The following LPGAT1 variants were observed in gnomAD, a reference collection of about 807,000 sequenced individuals.
The protein encoded by LPGAT1 is lysophosphatidylglycerol acyltransferase 1, also known as acyl-CoA:lysophosphatidylglycerol acyltransferase 1.
A neutral mutation model predicts 47.5 loss-of-function variants in LPGAT1; 11 were observed. The ratio of observed to expected loss-of-function variants is 0.23; its 90% CI spans 0.15 to 0.38. LPGAT1 has a LOEUF of 0.38. Among genes scored for constraint, LPGAT1 ranks in the 10% least tolerant of loss-of-function variants. The pLI, the probability that LPGAT1 is intolerant of heterozygous loss-of-function variation, is 1.00. For synonymous variants in LPGAT1, 138 were observed against 144.2 expected, an observed-to-expected ratio of 0.96 and a Z score of 0.31; for missense variants, 293 against 439.0, an observed-to-expected ratio of 0.67 and a Z score of 2.97.
rs543516286 is a variant in LPGAT1, at chr1:211,794,935, T to C, written c.239-1745A>G. On this transcript the variant is annotated intron_variant, in intron 2 of 7. Transcript: ENST00000366997. The stretch of plus-strand genomic sequence containing the variant: ...ATACTCATTTATGTGCAAAATGACA[T>C]GTACACAAGGCTACTCACTGCAGCT... 2.6e-5 allele frequency among the ~76,000 whole-genome samples: 4 copies of C among 152,266 alleles called. No individual in the cohort carries two copies. The East Asian group carries it at 5.8e-4, about 22-fold the overall frequency.
At chr1:211,781,422 C>T (rs553980489) in intron 5 of LPGAT1, among the ~76,000 whole-genome samples, 39 of 152,330 alleles carry the variant, frequency 2.6e-4, no homozygotes, top group African/African-American at 8.7e-4. Context: ...TGCCTTCAAG[C>T]TTTGGCTCGG....
intron 2 of LPGAT1, among the ~76,000 whole-genome samples, chr1:211,796,222 C>T (rs1309972116): frequency 6.6e-6 from 1 of 152,066 alleles, no homozygotes; most frequent in African/African-American, 2.4e-5. Flanking sequence ...GAATTTGGAA[C>T]CCTCTGTACT....
In LPGAT1 at chr1:211,790,112, C is replaced by T. The variant is rs1314664627; in HGVS notation, c.358-2385G>A. 2.6e-5 allele frequency among the ~76,000 whole-genome samples: 4 copies of T among 152,134 alleles called. No homozygotes were observed. In the East Asian group the frequency reaches 7.7e-4, roughly 29 times the overall value. On this transcript the variant is annotated intron_variant, in intron 3 of 7. Coordinates refer to ENST00000366997, the MANE Select transcript of LPGAT1 (RefSeq NM_014873.3). ...CATCGTCTAGAGACTTAAATGACTG[C>T]ACTCTTTCTGTCCTTTTGAAATTAT... is the stretch of plus-strand genomic sequence containing the variant.
chr1:211,750,092 G>A (rs746247134), intron 7 of LPGAT1, 42 bp from the exon 8 acceptor site: 1 of 1,560,562 alleles, frequency 6.4e-7, no homozygotes, highest in Non-Finnish European at 8.8e-7. Flanking sequence ...TTACTGTAAT[G>A]GTAGGTCTCC....
intron 2 of LPGAT1, among the ~76,000 whole-genome samples, chr1:211,820,006 G>C (rs976009014): frequency 6.6e-6 from 1 of 151,984 alleles, no homozygotes; most frequent in Admixed American, 6.6e-5. Flanking sequence ...GGCAGGCAGG[G>C]GGGTGGTTTA....
chr1:211,769,039 G>A (rs1658055416), intron 6 of LPGAT1, among the ~76,000 whole-genome samples: 1 of 152,132 alleles, frequency 6.6e-6, no homozygotes, highest in African/African-American at 2.4e-5. Flanking sequence ...AAGACTTCAG[G>A]GGTTTTTAGA....
chr1:211,825,188 CTT>C (rs953536979), intron 2 of LPGAT1, among the ~76,000 whole-genome samples: 153 of 70,878 alleles, frequency 2.2e-3, no homozygotes, highest in African/African-American at 7.7e-3. Flanking sequence ...GCACAGTCTT[CTT>C]TTTTTTTTTT....
At chr1:211,806,256 T>A (rs1659758383) in intron 2 of LPGAT1, among the ~76,000 whole-genome samples, 1 of 139,988 alleles carries the variant, frequency 7.1e-6, no homozygotes, top group African/African-American at 2.7e-5. Flanking sequence ...CGAGGGTCTG[T>A]CTCAAAAAAA....
chr1:211,748,313 G>A lies in LPGAT1; in HGVS notation c.*1586C>T, dbSNP rs1243757937. 6.6e-6 allele frequency: 1 copy of A among 152,430 alleles called. No homozygotes were observed. Among genetic ancestry groups the A allele is most frequent in the African/African-American group, 2.4e-5 (1 of 41,438 alleles). The allele number at this position is 152,430 out of a possible 1,614,324, so 9.4% of individuals were successfully genotyped here. On this transcript the variant is annotated 3_prime_UTR_variant, in exon 8 of 8. Transcript: ENST00000366997. ...TTGGAGAAGGGTGTGGTTCTCTTAT[G>A]AGGTAAATTGTACAAACATCGCAAC...
At chr1:211,801,272 G>A (rs1043468667) in intron 2 of LPGAT1, among the ~76,000 whole-genome samples, 28 of 152,164 alleles carry the variant, frequency 1.8e-4, no homozygotes, top group African/African-American at 6.5e-4. Context: ...GGATGAGTCT[G>A]CACAACAAAC....
In LPGAT1 at chr1:211,744,936, T is replaced by C. The variant is rs533150482; in HGVS notation, c.*4963A>G. ...GATATTAATGCCCAAATAGCTCTGGTAAAACACACATGCCCCATCCCCACT... is the reference window on the plus strand; with the variant it reads ...GATATTAATGCCCAAATAGCTCTGGCAAAACACACATGCCCCATCCCCACT... On this transcript the variant is annotated 3_prime_UTR_variant, in exon 8 of 8. Transcript: ENST00000366997. 1 of 152,736 alleles carries C rather than the reference T, an allele frequency of 6.5e-6. No individual in the cohort carries two copies. Among genetic ancestry groups the C allele is most frequent in the East Asian group, 1.9e-4 (1 of 5,186 alleles). The allele number at this position is 152,736 out of a possible 1,614,324, so 9.5% of individuals were successfully genotyped here.
intron 2 of LPGAT1, among the ~76,000 whole-genome samples, chr1:211,814,703 C>T (rs1660109614): frequency 6.6e-6 from 1 of 152,168 alleles, no homozygotes; most frequent in Non-Finnish European, 1.5e-5. Context: ...AAAAAGTCTT[C>T]CCTTGACCCT....
At chr1:211,813,037 T>C (rs971748286) in intron 2 of LPGAT1, among the ~76,000 whole-genome samples, 1 of 152,188 alleles carries the variant, frequency 6.6e-6, no homozygotes, top group Non-Finnish European at 1.5e-5. Flanking sequence ...GAGGTTCTAA[T>C]AAACCTCCAA....
chr1:211,777,177 T>C (rs1465858275), intron 6 of LPGAT1, among the ~76,000 whole-genome samples: 2 of 152,166 alleles, frequency 1.3e-5, no homozygotes, highest in African/African-American at 4.8e-5. Flanking sequence ...CTACAGTTGA[T>C]AGACACTATT....
intron 2 of LPGAT1, among the ~76,000 whole-genome samples, chr1:211,820,792 AT>A (rs1660343876): frequency 6.6e-6 from 1 of 152,190 alleles, no homozygotes; most frequent in East Asian, 1.9e-4. Flanking sequence ...ATTTAAAGAT[AT>A]GATTAAAGAA....
At chr1:211,756,158 C>T (rs1021892658) in intron 6 of LPGAT1, among the ~76,000 whole-genome samples, 3 of 152,078 alleles carry the variant, frequency 2.0e-5, no homozygotes, top group African/African-American at 7.2e-5. Flanking sequence ...ATTGCTTGAA[C>T]CCAGGAGGTG....
chr1:211,762,546 A>C (rs1657741756), intron 6 of LPGAT1, among the ~76,000 whole-genome samples: 1 of 152,232 alleles, frequency 6.6e-6, no homozygotes, highest in Non-Finnish European at 1.5e-5. Context: ...GATTAAATAC[A>C]TTGAATACCA....
intron 2 of LPGAT1, among the ~76,000 whole-genome samples, chr1:211,796,680 T>G (rs1303325688): frequency 6.6e-6 from 1 of 152,202 alleles, no homozygotes; most frequent in African/African-American, 2.4e-5. Flanking sequence ...TCTCTTCCCT[T>G]TCCATTCTAT....
intron 4 of LPGAT1, among the ~76,000 whole-genome samples, chr1:211,784,219 G>C (rs1340096630): frequency 1.3e-5 from 2 of 152,290 alleles, no homozygotes; most frequent in Admixed American, 6.5e-5. Flanking sequence ...ATGGTAAGTA[G>C]TTTTGGAGAG....
Sources: gnomAD v4.1 joint callset for allele counts (sites outside exome capture counted in the v4.1 genomes callset) on GRCh38, gnomAD v4.1.1 for gene constraint, MANE v1.5 for transcripts, NCBI Gene and HGNC (gene_info 2026-07-23, HGNC 2026-07-21) for gene names.